The following EML4 variants were observed in gnomAD, a reference collection of about 807,000 sequenced individuals.
The protein encoded by EML4 is EMAP like 4, also known as echinoderm microtubule-associated protein-like 4.
A neutral mutation model predicts 129.0 loss-of-function variants in EML4; 72 were observed. The observed-to-expected ratio is 0.56, with a 90% CI of 0.46 to 0.68. The LOEUF (loss-of-function observed/expected upper bound fraction) is 0.68. Ranked by LOEUF, EML4 falls within the 30% of genes least tolerant of loss-of-function variation. The pLI is 0.00. For synonymous variants in EML4, 532 were observed against 405.0 expected, an observed-to-expected ratio of 1.31 and a Z score of -3.77; for missense variants, 1,363 against 1,190.6, an observed-to-expected ratio of 1.14 and a Z score of -2.13.
intron 2 of EML4, among the ~76,000 whole-genome samples, chr2:42,246,016 G>C (rs975683122): frequency 2.6e-5 from 4 of 152,106 alleles, no homozygotes; most frequent in African/African-American, 9.7e-5. Context: ...TTGAACATAG[G>C]TGGTAGGCAC....
At position 42,303,399 on chromosome 2, in the gene EML4, C is replaced by G. The variant is rs769432266; in HGVS notation, c.1852C>G (p.Leu618Val). ...ATGTGCTCAGGACAGGCAGGTGTGC[C>G]TGTGGAACTCAATGGAACACAGGCT... ...LTCAQDRQVCLWNSMEHRLEW... is the reference protein window; with the variant it reads ...LTCAQDRQVCVWNSMEHRLEW... The change falls in exon 16 of 23, where the codon CTG becomes GTG. Residue 618 changes from leucine (L) to valine (V), a missense_variant. Transcript: ENST00000318522. 6.2e-7 allele frequency: 1 copy of G among 1,614,064 alleles called. No individual in the cohort carries two copies. The highest frequency in any genetic ancestry group is 2.2e-5 in the East Asian group (1 of 44,874).
intron 1 of EML4, among the ~76,000 whole-genome samples, chr2:42,201,131 A>G (rs546078530): frequency 1.3e-5 from 2 of 152,344 alleles, no homozygotes; most frequent in Admixed American, 6.5e-5. Flanking sequence ...CTAATTTTCA[A>G]AATGTTTTTG....
chr2:42,173,845 A>G (rs1402446940), intron 1 of EML4, among the ~76,000 whole-genome samples: 2 of 152,170 alleles, frequency 1.3e-5, no homozygotes, highest in African/African-American at 4.8e-5. Context: ...CTGCCTCTAA[A>G]AAATAAATAA....
intron 1 of EML4, among the ~76,000 whole-genome samples, chr2:42,171,474 T>G (rs1341058178): frequency 6.6e-6 from 1 of 152,268 alleles, no homozygotes; most frequent in Non-Finnish European, 1.5e-5. Context: ...ACATTGATTA[T>G]GCTTTGTAAT....
At chr2:42,269,602 A>G (rs2104419527) in intron 6 of EML4, among the ~76,000 whole-genome samples, 1 of 152,314 alleles carries the variant, frequency 6.6e-6, no homozygotes, top group East Asian at 1.9e-4. Flanking sequence ...TAGAGTAGTT[A>G]GGGAAGACAT....
intron 1 of EML4, among the ~76,000 whole-genome samples, chr2:42,173,766 C>T (rs1333338774): frequency 6.6e-6 from 1 of 152,124 alleles, no homozygotes; most frequent in Non-Finnish European, 1.5e-5. Context: ...ATCACTTGAG[C>T]ACAGGAGTTG....
intron 2 of EML4, among the ~76,000 whole-genome samples, chr2:42,248,887 G>A (rs745869534): frequency 4.6e-5 from 7 of 152,034 alleles, no homozygotes; most frequent in East Asian, 3.8e-4. Flanking sequence ...GTTAATTACT[G>A]TATTTTCCTT....
chr2:42,207,319 A>G (rs1444678270), intron 1 of EML4, among the ~76,000 whole-genome samples: 1 of 152,242 alleles, frequency 6.6e-6, no homozygotes, highest in Admixed American at 6.5e-5. Context: ...AATACTAGAT[A>G]TAACTAGTTT....
intron 1 of EML4, among the ~76,000 whole-genome samples, chr2:42,193,808 C>T (rs1372885118): frequency 6.6e-6 from 1 of 151,972 alleles, no homozygotes; most frequent in African/African-American, 2.4e-5. Context: ...GCTTCAGACT[C>T]CTGGGTAGCT....
At chr2:42,196,169 T>G (rs1199839508) in intron 1 of EML4, among the ~76,000 whole-genome samples, 1 of 152,204 alleles carries the variant, frequency 6.6e-6, no homozygotes, top group African/African-American at 2.4e-5. Flanking sequence ...CTAGCGTTCA[T>G]TCAGTCATTA....
At chr2:42,189,972 G>GA (rs1034741755) in intron 1 of EML4, among the ~76,000 whole-genome samples, 3 of 145,138 alleles carry the variant, frequency 2.1e-5, no homozygotes, top group Non-Finnish European at 4.5e-5. Context: ...ATGCAAAGAG[G>GA]AAAAAAAAAG....
At chr2:42,185,519 G>A (rs760276927) in intron 1 of EML4, among the ~76,000 whole-genome samples, 21 of 152,140 alleles carry the variant, frequency 1.4e-4, no homozygotes, top group Non-Finnish European at 2.4e-4. Flanking sequence ...GGTTAAGGTT[G>A]AGCCATGATT....
chr2:42,175,764 G>T (rs752020309), intron 1 of EML4, among the ~76,000 whole-genome samples: 3 of 152,156 alleles, frequency 2.0e-5, no homozygotes, highest in Non-Finnish European at 4.4e-5. Flanking sequence ...CTCCCAAAGT[G>T]CTGGGATTAG....
chr2:42,206,597 G>A (rs1445242723), intron 1 of EML4, among the ~76,000 whole-genome samples: 1 of 152,018 alleles, frequency 6.6e-6, no homozygotes, highest in African/African-American at 2.4e-5. Flanking sequence ...AGCCTTTTTT[G>A]TTCCTTTTAT....
At chr2:42,209,962 A>G (rs1672786305) in intron 1 of EML4, among the ~76,000 whole-genome samples, 1 of 152,028 alleles carries the variant, frequency 6.6e-6, no homozygotes. Context: ...AAACAAACAA[A>G]AAAACCAATA....
At chr2:42,213,282 A>T (rs56173530) in intron 1 of EML4, among the ~76,000 whole-genome samples, 1,584 of 152,280 alleles carry the variant, frequency 0.01, 28 homozygotes, top group African/African-American at 0.035. Context: ...TCTAAGGATG[A>T]CCACTCTCTT....
chr2:42,284,711 G>A lies in EML4; in HGVS notation c.1011+8G>A. The A allele has an allele frequency of 3.7e-6, 6 of 1,608,824 alleles. No homozygotes were observed. Among genetic ancestry groups the A allele is most frequent in the Non-Finnish European group, 5.1e-6 (6 of 1,176,508 alleles). On this transcript the variant is annotated splice_region_variant and intron_variant, in intron 9 of 22. Coordinates refer to ENST00000318522, the MANE Select transcript of EML4 (RefSeq NM_019063.5). ...GTGGATAAAGATGGAAGGGTGAGTG[G>A]CATAGTGTTATGCCTTCTGTACCTA...
chr2:42,320,441 C>G (rs1212552630), intron 19 of EML4, among the ~76,000 whole-genome samples: 1 of 152,048 alleles, frequency 6.6e-6, no homozygotes, highest in Non-Finnish European at 1.5e-5. Context: ...CTTAACCTAT[C>G]TATGCATCCT....
intron 3 of EML4, 23 bp downstream of exon 3, chr2:42,256,653 A>G: frequency 1.2e-6 from 2 of 1,612,896 alleles, no homozygotes; most frequent in East Asian, 2.2e-5. Flanking sequence ...GAAAGGGGGA[A>G]AAACTAACAT....
Sources: allele counts gnomAD v4.1 joint callset (sites outside exome capture counted in the v4.1 genomes callset), GRCh38; gene constraint gnomAD v4.1.1; transcripts MANE v1.5; gene names NCBI Gene and HGNC (gene_info 2026-07-23, HGNC 2026-07-21).